The following ZNF782 variants were observed in gnomAD, a reference collection of about 807,000 sequenced individuals.
ZNF782 encodes zinc finger protein 782.
A neutral mutation model predicts 13.0 loss-of-function variants in ZNF782; 12 were observed. The ratio of observed to expected loss-of-function variants is 0.92; its 90% confidence interval spans 0.59 to 1.50. ZNF782 has a LOEUF of 1.50. ZNF782 is among the 40% of genes most tolerant of loss of function. The pLI is 0.00. For missense variants in ZNF782, 770 were observed against 822.9 expected (o/e 0.94, Z 0.79); for synonymous variants, 284 against 283.0 (o/e 1.00, Z -0.04).
chr9:96,854,649 A>G (rs1241919276), upstream of ZNF782, among the ~76,000 whole-genome samples: 1 of 152,218 alleles, frequency 6.6e-6, no homozygotes, highest in Non-Finnish European at 1.5e-5. Flanking sequence ...TCGGCGATTC[A>G]GAATTGGCGG....
At chr9:96,838,222 T>C (rs1224320956) in intron 4 of ZNF782, among the ~76,000 whole-genome samples, 2 of 152,228 alleles carry the variant, frequency 1.3e-5, no homozygotes, top group East Asian at 1.9e-4. Flanking sequence ...ATTTCTGGTA[T>C]GGTTTGAAAG....
At chr9:96,922,550 A>G in the ZNF782 span, among the ~76,000 whole-genome samples, 1 of 152,422 alleles carries the variant, frequency 6.6e-6, no homozygotes, top group South Asian at 2.1e-4. Flanking sequence ...AGGCAGGCGG[A>G]TCACGAGGTC....
upstream of ZNF782, among the ~76,000 whole-genome samples, chr9:96,875,829 C>T (rs777489655): frequency 6.6e-6 from 1 of 152,234 alleles, no homozygotes; most frequent in African/African-American, 2.4e-5. Flanking sequence ...CCGCGACACC[C>T]AAGGGCCCCG....
chr9:96,880,752 T>G, the ZNF782 span, among the ~76,000 whole-genome samples: 1 of 152,168 alleles, frequency 6.6e-6, no homozygotes, highest in African/African-American at 2.4e-5. Context: ...TTTTCCTTCT[T>G]TGTACTGTCT....
chr9:96,886,370 T>G, the ZNF782 span, among the ~76,000 whole-genome samples: 1 of 152,026 alleles, frequency 6.6e-6, no homozygotes, highest in African/African-American at 2.4e-5. Context: ...CTATCCAACC[T>G]CTCATGAGTT....
chr9:96,835,990 C>A (rs1416792707), intron 4 of ZNF782, among the ~76,000 whole-genome samples: 1 of 152,156 alleles, frequency 6.6e-6, no homozygotes, highest in East Asian at 1.9e-4. Context: ...AAGCTGCAGG[C>A]ATTTGCCTTC....
At chr9:96,883,327 G>C in the ZNF782 span, among the ~76,000 whole-genome samples, 1 of 152,082 alleles carries the variant, frequency 6.6e-6, no homozygotes, top group Non-Finnish European at 1.5e-5. Flanking sequence ...GGAGGGGTTT[G>C]TTTTCTCCAA....
At chr9:96,821,398 G>A (rs541424405) in intron 5 of ZNF782, among the ~76,000 whole-genome samples, 1 of 152,304 alleles carries the variant, frequency 6.6e-6, no homozygotes, top group South Asian at 2.1e-4. Context: ...TTCAGGCAAT[G>A]CAAAGCATTT....
chr9:96,918,965 G>A, the ZNF782 span: 1 of 222,620 alleles, frequency 4.5e-6, no homozygotes, highest in Non-Finnish European at 1.0e-5. Context: ...CCTCAACCTA[G>A]AAATGTTAGT....
At chr9:96,873,421 C>T (rs746548492) in intron 1 of ZNF782, among the ~76,000 whole-genome samples, 13 of 152,142 alleles carry the variant, frequency 8.5e-5, no homozygotes, top group Admixed American at 2.6e-4. Flanking sequence ...AAGTCAGGGC[C>T]AGGTGTGGTG....
the ZNF782 span, among the ~76,000 whole-genome samples, chr9:96,883,596 C>A: frequency 1.6e-4 from 25 of 152,286 alleles, no homozygotes; most frequent in East Asian, 4.0e-3. Context: ...GCCCTAGACA[C>A]AACCAATAGA....
At chr9:96,885,830 CCTCT>C in the ZNF782 span, among the ~76,000 whole-genome samples, 1 of 151,866 alleles carries the variant, frequency 6.6e-6, no homozygotes, top group Non-Finnish European at 1.5e-5. Flanking sequence ...TTCCTTCCTT[CCTCT>C]TTCTTTCTTT....
chr9:96,831,291 T>C (rs933772317), intron 4 of ZNF782, among the ~76,000 whole-genome samples: 3 of 152,226 alleles, frequency 2.0e-5, no homozygotes, highest in South Asian at 2.1e-4. Context: ...CACCAATCTA[T>C]ATATGTGATA....
chr9:96,922,150 T>C, the ZNF782 span, among the ~76,000 whole-genome samples: 6 of 151,552 alleles, frequency 4.0e-5, no homozygotes, highest in South Asian at 4.1e-4. Flanking sequence ...GGAAAGAAAA[T>C]AGATTAAGTA....
rs1018429800 is a variant in ZNF782 at position 96,818,637 on chromosome 9, C to A, written c.1386G>T (p.Lys462Asn). ...CHECGKSFNY[K>N]SILIVHQRTH... ...TTCTCTGATGCACTATGAGGATTGA[C>A]TTATAGTTAAAAGATTTCCCACATT... The change falls in exon 6 of 6, where the codon AAG becomes AAT. Residue 462 changes from lysine to asparagine, a missense_variant. By Grantham distance (94) the Lys-to-Asn change is moderately conservative (BLOSUM62 0). Transcript: ENST00000481138. 6.2e-7 allele frequency: 1 copy of A among 1,613,150 alleles called. No individual in the cohort carries two copies. Among genetic ancestry groups the A allele is most frequent in the African/African-American group, 1.3e-5 (1 of 74,574 alleles).
rs1430922392 is a variant in ZNF782, at chr9:96,817,933, G to C, written c.2090C>G (p.Pro697Arg). Residue 697 changes from proline to arginine, a missense_variant, in exon 6 of 6, where the codon CCA becomes CGA. Coordinates refer to ENST00000481138, the MANE Select transcript of ZNF782 (RefSeq NM_001001662.3). ...TTTATATGCATACATTTAATCCCCT[G>C]GGTGGGCTTTCTGATGTTCTCTAAG... is the stretch of plus-strand genomic sequence containing the variant. ...SSLREHQKAH[P>R]GD 6.4e-7 allele frequency: 1 copy of C among 1,563,966 alleles called. No individual in the cohort carries two copies. The highest frequency in any genetic ancestry group is 2.2e-5 in the East Asian group (1 of 44,540).
chr9:96,820,628 C>A (rs1850388023), intron 5 of ZNF782, among the ~76,000 whole-genome samples: 4 of 151,438 alleles, frequency 2.6e-5, no homozygotes, highest in Admixed American at 2.6e-4. Flanking sequence ...TGGCTCACTG[C>A]AACTTCTGCC....
the ZNF782 span, among the ~76,000 whole-genome samples, chr9:96,913,071 T>C: frequency 1.3e-5 from 2 of 151,084 alleles, no homozygotes; most frequent in East Asian, 4.1e-4. Context: ...CCCAGCTCTC[T>C]TGGGAGGCTG....
chr9:96,842,388 T>C (rs1308484074), intron 4 of ZNF782, among the ~76,000 whole-genome samples: 1 of 151,882 alleles, frequency 6.6e-6, no homozygotes, highest in African/African-American at 2.4e-5. Context: ...TAAAACAATA[T>C]TGAAAAAGAA....
Sources: allele counts gnomAD v4.1 joint callset (sites outside exome capture counted in the v4.1 genomes callset), GRCh38; gene constraint gnomAD v4.1.1; transcripts MANE v1.5; gene names NCBI Gene and HGNC (gene_info 2026-07-23, HGNC 2026-07-21).